The following SCFD1 variants were observed in gnomAD, a reference collection of about 807,000 sequenced individuals.
SCFD1 encodes sec1 family domain containing 1.
Under a neutral mutation model 103.2 loss-of-function variants are expected in SCFD1, and 37 were observed. The ratio of observed to expected loss-of-function variants is 0.36; its 90% CI spans 0.28 to 0.47. The LOEUF (loss-of-function observed/expected upper bound fraction) is 0.47, where lower values mean the gene tolerates loss of function less well. SCFD1 is among the 20% of genes least tolerant of loss of function. The probability of loss-of-function intolerance (pLI) is 1.00; values close to 1 mark genes in which losing one functional copy is unlikely to be tolerated. For missense variants in SCFD1, 639 were observed against 761.2 expected (o/e 0.84, Z 1.89); for synonymous variants, 264 against 245.0 (o/e 1.08, Z -0.73).
At chr14:30,723,585 C>G (rs1284754036) in intron 23 of SCFD1, among the ~76,000 whole-genome samples, 1 of 152,108 alleles carries the variant, frequency 6.6e-6, no homozygotes, top group East Asian at 1.9e-4. Context: ...CTGTGTTGTT[C>G]CCCTCTGATG....
In SCFD1 at chr14:30,734,861, A is replaced by G. The variant is rs752472645; in HGVS notation, c.1905+3A>G. The G allele has an allele frequency of 1.9e-6, 3 of 1,602,592 alleles. No homozygotes were observed. The highest frequency in any genetic ancestry group is 2.2e-5 in the South Asian group (2 of 90,858). ...ATGCTACACAGTTCATAAAACAGGT[A>G]AAGTATACATTTGTTGTTTGTTTCT... is the stretch of plus-strand genomic sequence containing the variant. On this transcript the variant is annotated splice_donor_region_variant and intron_variant, in intron 24 of 24. Transcript: ENST00000458591.
chr14:30,735,202 G>C (rs1164424473), intron 24 of SCFD1: 2 of 281,996 alleles, frequency 7.1e-6, no homozygotes. Context: ...TAATTCCCAG[G>C]GTTTTTCTTT....
In SCFD1 at chr14:30,653,534, G is replaced by A. The variant is rs1886602754; in HGVS notation, c.801G>A (p.Leu267=). The A allele has an allele frequency of 6.2e-7, 1 of 1,613,650 alleles. No individual in the cohort carries two copies. The highest frequency in any genetic ancestry group is 8.5e-7 in the Non-Finnish European group (1 of 1,179,758). The change falls in exon 10 of 25, where the codon TTG becomes TTA. Residue 267 remains leucine (L), a synonymous_variant. Coordinates refer to ENST00000458591, the MANE Select transcript of SCFD1 (RefSeq NM_016106.4). ...LLVLVDRNID[L]ATPLHHTWTY... The stretch of plus-strand genomic sequence containing the variant: ...TCCTTGTTGACAGAAACATAGATTT[G>A]GCAACTCCTTTACATCATACTTGGA...
At chr14:30,713,377 C>T (rs576630753) in intron 19 of SCFD1, among the ~76,000 whole-genome samples, 100 of 138,398 alleles carry the variant, frequency 7.2e-4, no homozygotes, top group Middle Eastern at 3.5e-3. Flanking sequence ...CAAAAACATA[C>T]GAAAGAGTTG....
intron 14 of SCFD1, among the ~76,000 whole-genome samples, chr14:30,682,069 A>G (rs985862460): frequency 3.9e-5 from 6 of 152,116 alleles, no homozygotes; most frequent in Non-Finnish European, 8.8e-5. Context: ...TTGGCTTTTG[A>G]TAGGAGTTAG....
chr14:30,653,182 TC>T (rs1886564159), intron 9 of SCFD1, among the ~76,000 whole-genome samples: 1 of 152,082 alleles, frequency 6.6e-6, no homozygotes, highest in East Asian at 1.9e-4. Context: ...ATGCCTGTAG[TC>T]CCAGCTACTC....
chr14:30,716,415 T>C (rs1892281134), intron 20 of SCFD1, among the ~76,000 whole-genome samples: 1 of 152,204 alleles, frequency 6.6e-6, no homozygotes, highest in African/African-American at 2.4e-5. Context: ...TCTTTTGGGC[T>C]GAAGAAGTAA....
chr14:30,683,457 A>G (rs764330104), intron 14 of SCFD1: 1 of 473,296 alleles, frequency 2.1e-6, no homozygotes, highest in Non-Finnish European at 4.1e-6. Context: ...GAAGGCAGAA[A>G]TGCCCTTGCT....
rs113983063 is a variant in SCFD1 at position 30,646,312 on chromosome 14, C to T, written c.613+2907C>T. On this transcript the variant is annotated intron_variant, in intron 7 of 24. Coordinates refer to ENST00000458591, the MANE Select transcript of SCFD1 (RefSeq NM_016106.4). ...CTGGAATTACAGGCGTGAGCCACCA[C>T]GCCCAGCTGAGGGTTTTTTAAATGA... Among the ~76,000 whole-genome samples, 1,414 of 152,284 alleles carry T rather than the reference C, an allele frequency of 9.3e-3. 27 individuals carry two copies. Among genetic ancestry groups the T allele is most frequent in the African/African-American group, 0.031 (1,305 of 41,556 alleles).
rs764366733 is a variant in SCFD1, at chr14:30,649,533, G to A, written c.619G>A (p.Val207Ile). 2 of 1,579,120 alleles carry A rather than the reference G, an allele frequency of 1.3e-6. No homozygotes were observed. The highest frequency in any genetic ancestry group is 2.0e-5 in the Admixed American group (1 of 51,108). Reference sequence around the variant, plus strand: ...AACATTTATTGTTAAAATAGGTGCTGTTCCTATAATCAGATGTTCAAGAGG... The same window carrying A: ...AACATTTATTGTTAAAATAGGTGCTATTCCTATAATCAGATGTTCAAGAGG... ...LFCFFVTLGA[V>I]PIIRCSRGTA... is the part of the protein sequence containing the mutation. Residue 207 changes from valine (V) to isoleucine (I), a missense_variant, in exon 8 of 25, where the codon GTT becomes ATT. Coordinates refer to ENST00000458591, the MANE Select transcript of SCFD1 (RefSeq NM_016106.4).
chr14:30,721,845 C>T, intron 21 of SCFD1, 39 bp from the exon 22 acceptor site: 2 of 1,553,220 alleles, frequency 1.3e-6, no homozygotes, highest in Non-Finnish European at 8.9e-7. Flanking sequence ...TAATAAAAGC[C>T]ATGGGTGAAA....
intron 19 of SCFD1, among the ~76,000 whole-genome samples, chr14:30,714,070 G>A (rs950316326): frequency 6.6e-5 from 10 of 151,994 alleles, no homozygotes; most frequent in Non-Finnish European, 1.0e-4. Flanking sequence ...AATTTTGGCC[G>A]GGCGCGGTGG....
chr14:30,719,496 A>G lies in SCFD1; in HGVS notation c.1736+119A>G. 2.5e-5 allele frequency: 17 copies of G among 685,022 alleles called. No homozygotes were observed. The South Asian group carries it at 2.9e-4, about 12-fold the overall frequency. The allele number at this position is 685,022 out of a possible 1,614,324, so 42.4% of individuals were successfully genotyped here. On this transcript the variant is annotated intron_variant, in intron 21 of 24. Transcript: ENST00000458591. ...AAACTATATGGAAAACTCGTAAGGA[A>G]ACAAGGATGTATAATCTCATTATCC...
At chr14:30,670,834 A>G (rs1888471119) in intron 11 of SCFD1, among the ~76,000 whole-genome samples, 1 of 152,108 alleles carries the variant, frequency 6.6e-6, no homozygotes. Flanking sequence ...TATTCAAAGT[A>G]CATTAGAAAT....
At chr14:30,624,952 A>G (rs1883230895) in intron 1 of SCFD1, among the ~76,000 whole-genome samples, 1 of 152,146 alleles carries the variant, frequency 6.6e-6, no homozygotes, top group Non-Finnish European at 1.5e-5. Context: ...GTCTTTACTC[A>G]AATGTTACCT....
chr14:30,733,758 G>A (rs1893645050), intron 23 of SCFD1, among the ~76,000 whole-genome samples: 1 of 152,274 alleles, frequency 6.6e-6, no homozygotes, highest in South Asian at 2.1e-4. Context: ...TGTTCCCTTG[G>A]TTTCTGCAGT....
chr14:30,722,005 TATG>T (rs1376242093), intron 22 of SCFD1, 88 bp downstream of exon 22: 3 of 904,772 alleles, frequency 3.3e-6, no homozygotes, highest in Non-Finnish European at 5.3e-6. Context: ...AACATGGCTT[TATG>T]ATGATTAGTG....
chr14:30,699,688 G>A (rs1371370091), intron 15 of SCFD1, among the ~76,000 whole-genome samples: 1 of 152,076 alleles, frequency 6.6e-6, no homozygotes, highest in Admixed American at 6.5e-5. Flanking sequence ...CCCCCAATTT[G>A]AGAAGTATGG....
chr14:30,623,112 C>T (rs1256474625), intron 1 of SCFD1, among the ~76,000 whole-genome samples: 1 of 152,098 alleles, frequency 6.6e-6, no homozygotes, highest in Middle Eastern at 3.2e-3. Context: ...TTTTGCCTTA[C>T]TTGAAAACTT....
Sources: allele counts gnomAD v4.1 joint callset (sites outside exome capture counted in the v4.1 genomes callset), GRCh38; gene constraint gnomAD v4.1.1; transcripts MANE v1.5; gene names NCBI Gene and HGNC (gene_info 2026-07-23, HGNC 2026-07-21).